The following APP variants were observed in gnomAD, a reference collection of about 807,000 sequenced individuals.
APP encodes the protein amyloid beta precursor protein.
In APP, 31 loss-of-function variants were observed where a neutral mutation model predicts 101.4. The observed-to-expected ratio is 0.31, with a 90% CI of 0.23 to 0.41. APP has a LOEUF of 0.41. APP is among the 10% of genes least tolerant of loss of function. The pLI, the probability that APP is intolerant of heterozygous loss-of-function variation, is 1.00. For synonymous variants in APP, 366 were observed against 364.4 expected, an observed-to-expected ratio of 1.00 and a Z score of -0.05; for missense variants, 839 against 1,003.7, an observed-to-expected ratio of 0.84 and a Z score of 2.22.
At chr21:26,049,493 T>C (rs1180830418) in intron 5 of APP, among the ~76,000 whole-genome samples, 3 of 151,966 alleles carry the variant, frequency 2.0e-5, no homozygotes, top group Non-Finnish European at 1.5e-5. Flanking sequence ...GGGAAGATGA[T>C]AGGTCATCAA....
At chr21:26,030,674 T>A (rs2830020) in intron 5 of APP, among the ~76,000 whole-genome samples, 15,677 of 152,196 alleles carry the variant, frequency 0.1, 1,264 homozygotes, top group East Asian at 0.29. Flanking sequence ...CCAACTAGAA[T>A]TAAGGAGAAG....
intron 6 of APP, among the ~76,000 whole-genome samples, chr21:26,017,218 A>AAAAAAAAAAAAAAAAAAC (rs2044132292): frequency 6.7e-6 from 1 of 149,366 alleles, no homozygotes; most frequent in Non-Finnish European, 1.5e-5. Flanking sequence ...AAAAAAAAAA[A>AAAAAAAAAAAAAAAAAAC]TTCTTGGCCT....
intron 5 of APP, among the ~76,000 whole-genome samples, chr21:26,028,809 T>A (rs1331066793): frequency 6.6e-6 from 1 of 152,076 alleles, no homozygotes; most frequent in African/African-American, 2.4e-5. Context: ...ATCTATCTAT[T>A]AGTTGGGGAG....
chr21:25,891,645 G>T, intron 17 of APP, 77 bp downstream of exon 17: 1 of 1,428,808 alleles, frequency 7.0e-7, no homozygotes, highest in Non-Finnish European at 9.9e-7. Context: ...TACTTAGCTA[G>T]TTCTTAGCAA....
intron 9 of APP, among the ~76,000 whole-genome samples, chr21:25,981,711 GTTTTTTTTTT>G (rs11330953): frequency 7.9e-6 from 1 of 127,358 alleles, no homozygotes. Context: ...ACCAAAACAG[GTTTTTTTTTT>G]TTTTTTTTTT....
intron 5 of APP, among the ~76,000 whole-genome samples, chr21:26,028,640 C>CA (rs1489210939): frequency 1.3e-5 from 2 of 151,830 alleles, no homozygotes; most frequent in Non-Finnish European, 2.9e-5. Context: ...TGATAATGAG[C>CA]AAAAAAGTGG....
chr21:26,132,855 G>A (rs73168384), intron 1 of APP, among the ~76,000 whole-genome samples: 3,803 of 152,186 alleles, frequency 0.025, 67 homozygotes, highest in South Asian at 0.059. Flanking sequence ...GTGAATAAAC[G>A]GGTAAGTGAT....
At chr21:26,106,053 A>G (rs1457613293) in intron 2 of APP, among the ~76,000 whole-genome samples, 1 of 152,224 alleles carries the variant, frequency 6.6e-6, no homozygotes, top group Non-Finnish European at 1.5e-5. Context: ...AGCAGTGCCA[A>G]CCAGAAGCAC....
chr21:26,008,700 G>A lies in APP; in HGVS notation c.866-8518C>T, dbSNP rs56088595. ...CTACCATGTTAATGACAGGAAATAG[G>A]GGCACAAGTGAACACATGTAGGGAG... is the stretch of plus-strand genomic sequence containing the variant. On this transcript the variant is annotated intron_variant, in intron 6 of 17. Transcript: ENST00000346798. Among the ~76,000 whole-genome samples, 87 of 152,210 alleles carry A rather than the reference G, an allele frequency of 5.7e-4. 1 individual carries two copies. Among genetic ancestry groups the A allele is most frequent in the African/African-American group, 2.0e-3 (82 of 41,518 alleles).
chr21:26,141,505 C>A (rs1486906631), intron 1 of APP, among the ~76,000 whole-genome samples: 1 of 152,202 alleles, frequency 6.6e-6, no homozygotes, highest in Non-Finnish European at 1.5e-5. Context: ...ACTTTGGGGA[C>A]AAGAGCTGAT....
At chr21:25,893,774 A>G (rs2037848524) in intron 16 of APP, among the ~76,000 whole-genome samples, 2 of 152,260 alleles carry the variant, frequency 1.3e-5, no homozygotes, top group African/African-American at 2.4e-5. Flanking sequence ...AGAAGCTGCA[A>G]TAAGTTATCC....
At chr21:25,995,428 AGCC>A (rs2146656968) in intron 8 of APP, among the ~76,000 whole-genome samples, 1 of 145,644 alleles carries the variant, frequency 6.9e-6, no homozygotes, top group East Asian at 2.0e-4. Context: ...ACCAATGCTT[AGCC>A]ATTTGGTGTG....
chr21:26,100,601 T>C (rs994199327), intron 2 of APP, among the ~76,000 whole-genome samples: 1 of 152,232 alleles, frequency 6.6e-6, no homozygotes, highest in African/African-American at 2.4e-5. Flanking sequence ...TGAGAAACAA[T>C]TCGTGTCTGG....
At chr21:26,075,169 A>T (rs970164530) in intron 3 of APP, among the ~76,000 whole-genome samples, 1 of 152,138 alleles carries the variant, frequency 6.6e-6, no homozygotes, top group Non-Finnish European at 1.5e-5. Context: ...TCCTCAATTC[A>T]TTCATTAAAT....
intron 1 of APP, among the ~76,000 whole-genome samples, chr21:26,134,909 A>T (rs564500982): frequency 6.6e-6 from 1 of 152,332 alleles, no homozygotes; most frequent in South Asian, 2.1e-4. Context: ...TGGAGTCAAG[A>T]TATTTGTTCT....
chr21:25,903,457 T>C (rs1197995672), intron 15 of APP, among the ~76,000 whole-genome samples: 1 of 152,004 alleles, frequency 6.6e-6, no homozygotes, highest in Non-Finnish European at 1.5e-5. Flanking sequence ...GATGTTTCAA[T>C]AGTAACATAT....
chr21:26,149,606 A>G (rs2063220644), intron 1 of APP, among the ~76,000 whole-genome samples: 1 of 152,246 alleles, frequency 6.6e-6, no homozygotes. Flanking sequence ...TGAACTAAGT[A>G]TAATACAATA....
At chr21:25,928,646 T>G (rs1212605560) in intron 13 of APP, 1 of 152,210 alleles carries the variant, frequency 6.6e-6, no homozygotes, top group African/African-American at 2.4e-5. Context: ...GATGTCTTCC[T>G]CTGGTTCGAT....
intron 6 of APP, among the ~76,000 whole-genome samples, chr21:26,008,788 T>G (rs759714864): frequency 1.3e-5 from 2 of 152,204 alleles, no homozygotes; most frequent in Non-Finnish European, 2.9e-5. Context: ...AAAAGCTCAG[T>G]AGGTAGATGT....
Sources: gnomAD v4.1 joint callset for allele counts (sites outside exome capture counted in the v4.1 genomes callset) on GRCh38, gnomAD v4.1.1 for gene constraint, MANE v1.5 for transcripts, NCBI Gene and HGNC (gene_info 2026-07-23, HGNC 2026-07-21) for gene names.